TERF1: variants seen among roughly 807,000 people sequenced by gnomAD.
TERF1 encodes telomeric repeat binding factor 1.
In TERF1, 20 loss-of-function variants were observed where a neutral mutation model predicts 55.1. The observed-to-expected ratio is 0.36, with a 90% CI of 0.26 to 0.53. The LOEUF (loss-of-function observed/expected upper bound fraction) is 0.53, where lower values mean the gene tolerates loss of function less well. TERF1 is among the 20% of genes least tolerant of loss of function. The pLI is 0.91. For missense variants in TERF1, 439 were observed against 535.7 expected, an observed-to-expected ratio of 0.82 and a Z score of 1.78; for synonymous variants, 168 against 181.2, an observed-to-expected ratio of 0.93 and a Z score of 0.59.
chr8:73,044,430 T>A (rs1226499130), intron 9 of TERF1, among the ~76,000 whole-genome samples: 1 of 152,204 alleles, frequency 6.6e-6, no homozygotes, highest in African/African-American at 2.4e-5. Context: ...TGGTACTGAG[T>A]CATACACGAG....
chr8:73,024,843 A>C lies in TERF1; in HGVS notation c.646A>C (p.Met216Leu). ...TTAGCCTTTCAAAAGCAAATTGCTT[A>C]TGATAATCTCTCAGAAAGATACATT... is the stretch of plus-strand genomic sequence containing the variant. ...SHMPFKSKLL[M>L]IISQKDTFHS... The change falls in exon 5 of 10, where the codon ATG (methionine) becomes CTG (leucine). Residue 216 changes from methionine (M) to leucine (L), a missense_variant. This residue lies in a region of TERF1 where 95 missense variants were observed against 167.2 expected (regional missense o/e 0.57). Coordinates refer to ENST00000276603, the MANE Select transcript of TERF1 (RefSeq NM_017489.3). 6.3e-7 allele frequency: 1 copy of C among 1,585,816 alleles called. No individual in the cohort carries two copies. The highest frequency in any genetic ancestry group is 8.6e-7 in the Non-Finnish European group (1 of 1,169,536).
intron 8 of TERF1, among the ~76,000 whole-genome samples, chr8:73,032,927 G>GT (rs1809351657): frequency 6.6e-6 from 1 of 150,552 alleles, no homozygotes; most frequent in South Asian, 2.1e-4. Context: ...GTGCAGGTTT[G>GT]TTACATATGT....
intron 8 of TERF1, among the ~76,000 whole-genome samples, chr8:73,035,754 T>C (rs1809481875): frequency 6.6e-6 from 1 of 152,222 alleles, no homozygotes; most frequent in African/African-American, 2.4e-5. Context: ...TCAGAGCTAG[T>C]GTGGTTTCCA....
At chr8:73,041,263 A>G (rs1179165390) in intron 9 of TERF1, among the ~76,000 whole-genome samples, 1 of 152,152 alleles carries the variant, frequency 6.6e-6, no homozygotes, top group African/African-American at 2.4e-5. Flanking sequence ...TACCGTTTGT[A>G]GCTGTAGGTG....
intron 6 of TERF1, among the ~76,000 whole-genome samples, chr8:73,029,620 G>A (rs1809193547): frequency 6.6e-6 from 1 of 151,796 alleles, no homozygotes; most frequent in Non-Finnish European, 1.5e-5. Flanking sequence ...AAAAAAGGGG[G>A]TGTAATATTT....
chr8:73,017,740 G>A (rs1808574092), intron 2 of TERF1, among the ~76,000 whole-genome samples: 1 of 145,046 alleles, frequency 6.9e-6, no homozygotes. Context: ...GTCTCACTCT[G>A]TCACCAGGCT....
rs984687473 is a variant in TERF1, at chr8:73,034,328, C to T, written c.1039+2195C>T. Among the ~76,000 whole-genome samples, 4 of 151,918 alleles carry T rather than the reference C, an allele frequency of 2.6e-5. No homozygotes were observed. In the South Asian group the frequency reaches 6.2e-4, roughly 24 times the overall value. On this transcript the variant is annotated intron_variant, in intron 8 of 9. Coordinates refer to ENST00000276603, the MANE Select transcript of TERF1 (RefSeq NM_017489.3). ...TGTATTTTTAGTAGAGACGGGGTTT[C>T]GCCATGTTGGCCAGGCTGGTCTGGA...
At chr8:73,028,109 TACC>T (rs1809098029) in intron 6 of TERF1, among the ~76,000 whole-genome samples, 3 of 152,350 alleles carry the variant, frequency 2.0e-5, no homozygotes, top group Non-Finnish European at 1.5e-5. Flanking sequence ...ATGATACTAA[TACC>T]CAGTACATTC....
Position 73,008,964 on chromosome 8 carries a change from G to T in TERF1, c.78G>T (p.Glu26Asp). The change falls in exon 1 of 10, where the codon GAG becomes GAT. Residue 26 changes from glutamate (E) to aspartate (D), a missense_variant. Glu to Asp is a conservative substitution (Grantham distance 45). This residue lies in a region of TERF1 where 179 missense variants were observed against 152.6 expected (regional missense o/e 1.17). Transcript: ENST00000276603. ...GTAGGGATGCCGACCCTACTGAGGA[G>T]CAGATGGCAGAAACAGAGAGAAACG... ...ADGRDADPTE[E>D]QMAETERNDE... The T allele has an allele frequency of 6.2e-7, 1 of 1,612,934 alleles. No homozygotes were observed. Among genetic ancestry groups the T allele is most frequent in the Non-Finnish European group, 8.5e-7 (1 of 1,179,724 alleles).
intron 1 of TERF1, chr8:73,009,506 C>G (rs1452458180): frequency 1.5e-5 from 5 of 333,986 alleles, no homozygotes; most frequent in Non-Finnish European, 2.8e-5. Flanking sequence ...ACCTTTGTCT[C>G]TTTTGGCGCT....
In TERF1 at chr8:73,046,482, C is replaced by T. The variant is rs1175923686; in HGVS notation, c.*345C>T. ...CTGTAGGCTGACCTCAACCCTGTAA[C>T]GTAACCCATTAAAATGAATTTCTTT... On this transcript the variant is annotated 3_prime_UTR_variant, in exon 10 of 10. Coordinates refer to ENST00000276603, the MANE Select transcript of TERF1 (RefSeq NM_017489.3). 2 of 159,654 alleles carry T rather than the reference C, an allele frequency of 1.3e-5. No homozygotes were observed. Among genetic ancestry groups the T allele is most frequent in the Admixed American group, 1.3e-4 (2 of 15,418 alleles). 9.9% of individuals were successfully genotyped at this position (159,654 alleles called of 1,614,324 possible).
intron 1 of TERF1, 127 bp downstream of exon 1, chr8:73,009,332 C>G (rs1030703815): frequency 3.5e-6 from 3 of 855,878 alleles, no homozygotes; most frequent in African/African-American, 1.7e-5. Flanking sequence ...GCTGGGAGTC[C>G]GAGGCTCCGG....
At chr8:73,017,499 T>C (rs1256134635) in intron 2 of TERF1, among the ~76,000 whole-genome samples, 2 of 152,174 alleles carry the variant, frequency 1.3e-5, no homozygotes, top group Non-Finnish European at 2.9e-5. Context: ...TGCTCCATTT[T>C]CCTGAAGTGT....
intron 4 of TERF1, among the ~76,000 whole-genome samples, chr8:73,023,763 C>T (rs1448860405): frequency 6.6e-6 from 1 of 152,174 alleles, no homozygotes; most frequent in African/African-American, 2.4e-5. Context: ...ACTTTCCATG[C>T]CTCAGACTGG....
chr8:73,029,079 GCAT>G (rs1288167248), intron 6 of TERF1, among the ~76,000 whole-genome samples: 1 of 152,074 alleles, frequency 6.6e-6, no homozygotes, highest in Non-Finnish European at 1.5e-5. Context: ...GGCAAATAAA[GCAT>G]CAAACCACCA....
At chr8:73,022,609 T>C (rs1013098671) in intron 4 of TERF1, among the ~76,000 whole-genome samples, 2 of 151,836 alleles carry the variant, frequency 1.3e-5, no homozygotes, top group Non-Finnish European at 1.5e-5. Context: ...GAAGGAATAA[T>C]AAATAATGAA....
At chr8:73,012,039 T>G (rs1397379263) in intron 1 of TERF1, 1 of 152,242 alleles carries the variant, frequency 6.6e-6, no homozygotes, top group African/African-American at 2.4e-5. Context: ...TTCTAGCTTT[T>G]GATTTAAAGT....
intron 8 of TERF1, among the ~76,000 whole-genome samples, chr8:73,037,312 TTACC>T (rs1037225932): frequency 1.1e-4 from 15 of 130,868 alleles, no homozygotes; most frequent in East Asian, 2.1e-4. Context: ...ACCTATCTAC[TTACC>T]TACCTACCTA....
At chr8:73,041,587 G>A (rs1364007950) in intron 9 of TERF1, among the ~76,000 whole-genome samples, 2 of 152,276 alleles carry the variant, frequency 1.3e-5, no homozygotes. Flanking sequence ...TTAGGTTCTG[G>A]TAAAACCTCA....
Sources: allele counts gnomAD v4.1 joint callset (sites outside exome capture counted in the v4.1 genomes callset), GRCh38; gene constraint gnomAD v4.1.1; regional missense constraint gnomAD v4.1.1; transcripts MANE v1.5; gene names NCBI Gene and HGNC (gene_info 2026-07-23, HGNC 2026-07-21).